The following MEIKIN variants were observed in gnomAD, a reference collection of about 807,000 sequenced individuals.
The protein encoded by MEIKIN is meiosis-specific kinetochore protein.
chr5:131,857,415 T>C (rs1206861113), intron 9 of MEIKIN, among the ~76,000 whole-genome samples: 2 of 152,208 alleles, frequency 1.3e-5, no homozygotes, highest in African/African-American at 4.8e-5. Flanking sequence ...CATACTCTTC[T>C]AGGTGGCTTT....
chr5:131,881,440 G>C (rs1750701853), intron 8 of MEIKIN, among the ~76,000 whole-genome samples: 1 of 151,928 alleles, frequency 6.6e-6, no homozygotes, highest in South Asian at 2.1e-4. Context: ...TCTAAATGTT[G>C]GAGTGTCCCA....
rs117463388 is a variant in MEIKIN at position 131,929,846 on chromosome 5, T to C, written c.478+3667A>G. Reference sequence around the variant, plus strand: ...CGGTCTCTAGCTGCATCCATGCTGATGCAAAAGATATGATTTCATTCTTTT... The same window carrying C: ...CGGTCTCTAGCTGCATCCATGCTGACGCAAAAGATATGATTTCATTCTTTT... On this transcript the variant is annotated intron_variant, in intron 5 of 12. Transcript: ENST00000442687. 5.1e-3 allele frequency among the ~76,000 whole-genome samples: 770 copies of C among 152,348 alleles called. 28 individuals carry two copies. The highest frequency in any genetic ancestry group is 0.038 in the Admixed American group (584 of 15,306).
intron 11 of MEIKIN, among the ~76,000 whole-genome samples, chr5:131,844,062 T>C (rs1749966821): frequency 6.6e-6 from 1 of 152,130 alleles, no homozygotes; most frequent in African/African-American, 2.4e-5. Flanking sequence ...CATATCTTCA[T>C]GTGGCAACAG....
chr5:131,907,541 G>A (rs1751261177), intron 8 of MEIKIN, among the ~76,000 whole-genome samples: 1 of 150,554 alleles, frequency 6.6e-6, no homozygotes. Flanking sequence ...CTACATGCCA[G>A]TAGACATATG....
At chr5:131,899,685 G>C (rs1174151388) in intron 8 of MEIKIN, among the ~76,000 whole-genome samples, 1 of 152,096 alleles carries the variant, frequency 6.6e-6, no homozygotes, top group Non-Finnish European at 1.5e-5. Context: ...AGCAGGAGTA[G>C]CTATATTTAT....
At chr5:131,878,458 T>A (rs1006032243) in intron 9 of MEIKIN, among the ~76,000 whole-genome samples, 8 of 151,984 alleles carry the variant, frequency 5.3e-5, no homozygotes, top group African/African-American at 1.9e-4. Flanking sequence ...TCCCAGCTAC[T>A]CGGGAGGCTG....
At chr5:131,812,546 C>T (rs1361183257) in intron 12 of MEIKIN, among the ~76,000 whole-genome samples, 5 of 152,164 alleles carry the variant, frequency 3.3e-5, no homozygotes, top group African/African-American at 9.7e-5. Flanking sequence ...CTCCTATAAC[C>T]AAAAGGCAGA....
intron 11 of MEIKIN, among the ~76,000 whole-genome samples, chr5:131,836,884 C>T (rs1167100308): frequency 1.3e-5 from 2 of 151,998 alleles, no homozygotes; most frequent in African/African-American, 4.8e-5. Flanking sequence ...GCCGTGGAGA[C>T]AGTCTTTAGT....
At chr5:131,819,116 T>C (rs1290435460) in intron 11 of MEIKIN, among the ~76,000 whole-genome samples, 1 of 152,118 alleles carries the variant, frequency 6.6e-6, no homozygotes, top group Admixed American at 6.5e-5. Context: ...TTCAGAGAGA[T>C]TGACTTACTT....
intron 12 of MEIKIN, among the ~76,000 whole-genome samples, chr5:131,807,714 C>T (rs551981644): frequency 5.9e-5 from 9 of 152,358 alleles, no homozygotes; most frequent in Non-Finnish European, 1.3e-4. Flanking sequence ...ATCCCGAAGA[C>T]AGGATTGATT....
rs138809669 is a variant in MEIKIN at position 131,940,057 on chromosome 5, T to C, written c.349+2578A>G. Among the ~76,000 whole-genome samples, 717 of 152,330 alleles carry C rather than the reference T, an allele frequency of 4.7e-3. 8 individuals carry two copies. The highest frequency in any genetic ancestry group is 0.016 in the African/African-American group (680 of 41,570). On this transcript the variant is annotated intron_variant, in intron 4 of 12. Transcript: ENST00000442687. ...CAATGGTTTTAGAGCCATTTTCCTC[T>C]TTTTGAAGAGTTAAAGACAGACGAA... is the stretch of plus-strand genomic sequence containing the variant.
intron 9 of MEIKIN, among the ~76,000 whole-genome samples, chr5:131,874,987 C>G (rs972764040): frequency 6.6e-6 from 1 of 152,078 alleles, no homozygotes; most frequent in Non-Finnish European, 1.5e-5. Context: ...ATTGATGGGA[C>G]GTATCTCAAA....
intron 8 of MEIKIN, among the ~76,000 whole-genome samples, chr5:131,886,856 T>G (rs1017819543): frequency 5.3e-5 from 8 of 152,154 alleles, no homozygotes; most frequent in African/African-American, 1.9e-4. Context: ...GTGCACAACA[T>G]GCAGGTTTGT....
At chr5:131,809,667 G>A (rs1325623968) in intron 12 of MEIKIN, among the ~76,000 whole-genome samples, 2 of 152,022 alleles carry the variant, frequency 1.3e-5, no homozygotes, top group African/African-American at 4.8e-5. Flanking sequence ...TTAGCTGGGC[G>A]TGGTGGTACG....
Position 131,845,272 on chromosome 5 carries a change from TAAAAA to T in MEIKIN, c.975+5987_975+5991del, listed in dbSNP as rs1158220526. Among the ~76,000 whole-genome samples the T allele has an allele frequency of 9.0e-4, 41 of 45,356 alleles. No individual in the cohort carries two copies. The South Asian group carries it at 0.011, about 12-fold the overall frequency. The allele number at this position is 45,356 out of a possible 152,430, so 29.8% of individuals were successfully genotyped here. A position where few individuals can be genotyped will look rare whatever the true frequency, so the allele number is the denominator to read the frequency against. On this transcript the variant is annotated intron_variant, in intron 11 of 12. Coordinates refer to ENST00000442687, the MANE Select transcript of MEIKIN (RefSeq NM_001303622.2). ...GTGACAGAGCGAGAAGACTTCGTCT[TAAAAA>T]AAAAAAAAAAAAAAAAAAAAAAAGA... is the stretch of plus-strand genomic sequence containing the variant.
intron 9 of MEIKIN, among the ~76,000 whole-genome samples, chr5:131,875,448 G>A (rs1429551056): frequency 6.6e-6 from 1 of 151,934 alleles, no homozygotes; most frequent in African/African-American, 2.4e-5. Context: ...GGACGTGAAG[G>A]ACCTCTTCAA....
intron 11 of MEIKIN, among the ~76,000 whole-genome samples, chr5:131,831,212 A>G (rs559529017): frequency 2.6e-5 from 4 of 152,298 alleles, no homozygotes; most frequent in East Asian, 1.9e-4. Flanking sequence ...AAGATCCACT[A>G]AAGTTTGGAT....
At chr5:131,862,416 T>C (rs1244891689) in intron 9 of MEIKIN, among the ~76,000 whole-genome samples, 1 of 152,172 alleles carries the variant, frequency 6.6e-6, no homozygotes, top group Non-Finnish European at 1.5e-5. Context: ...TGATACTTTG[T>C]ATTTTTTTAG....
intron 9 of MEIKIN, among the ~76,000 whole-genome samples, chr5:131,877,170 C>A (rs943980626): frequency 2.7e-5 from 4 of 150,372 alleles, no homozygotes; most frequent in African/African-American, 9.8e-5. Flanking sequence ...TTAAAAAAAG[C>A]AAAATTATGT....
Sources: gnomAD v4.1 joint callset for allele counts (sites outside exome capture counted in the v4.1 genomes callset) on GRCh38, gnomAD v4.1.1 for gene constraint, MANE v1.5 for transcripts, NCBI Gene and HGNC (gene_info 2026-07-23, HGNC 2026-07-21) for gene names.